The following KAZN variants were observed in gnomAD, a reference collection of about 807,000 sequenced individuals.
KAZN encodes the protein kazrin.
Under a neutral mutation model 87.4 loss-of-function variants are expected in KAZN, and 40 were observed. The observed-to-expected ratio is 0.46, with a 90% CI of 0.36 to 0.60. The LOEUF is 0.60. KAZN is among the 20% of genes least tolerant of loss of function. The pLI, the probability that KAZN is intolerant of heterozygous loss-of-function variation, is 0.00. For synonymous variants in KAZN, 466 were observed against 458.3 expected (o/e 1.02, Z -0.22); for missense variants, 898 against 1,073.9 (o/e 0.84, Z 2.29).
At chr1:13,896,476 G>C (rs1639049638) in intron 1 of KAZN, among the ~76,000 whole-genome samples, 1 of 152,040 alleles carries the variant, frequency 6.6e-6, no homozygotes, top group African/African-American at 2.4e-5. Flanking sequence ...TTTTTTTGTA[G>C]AGATGAAGTC....
intron 1 of KAZN, among the ~76,000 whole-genome samples, chr1:14,089,388 A>T (rs1324253301): frequency 6.6e-6 from 1 of 151,840 alleles, no homozygotes; most frequent in East Asian, 1.9e-4. Context: ...CTTCTTGTGG[A>T]TTAATTCAGT....
intron 2 of KAZN, among the ~76,000 whole-genome samples, chr1:14,377,390 C>T (rs548752656): frequency 5.9e-5 from 9 of 152,252 alleles, no homozygotes; most frequent in Admixed American, 2.0e-4. Flanking sequence ...ATTATGAGAG[C>T]GATTGGTCTC....
At chr1:14,581,641 A>G (rs924739251) in intron 2 of KAZN, among the ~76,000 whole-genome samples, 10 of 152,182 alleles carry the variant, frequency 6.6e-5, no homozygotes, top group Non-Finnish European at 1.3e-4. Flanking sequence ...ACAGTCCCCA[A>G]GGGGACCTGA....
At chr1:14,395,065 G>C (rs545335409) in intron 2 of KAZN, among the ~76,000 whole-genome samples, 1 of 152,228 alleles carries the variant, frequency 6.6e-6, no homozygotes, top group East Asian at 1.9e-4. Flanking sequence ...GGCCCTACTG[G>C]GGCTGAAGGA....
At chr1:14,129,558 C>G (rs1313348048) in intron 1 of KAZN, among the ~76,000 whole-genome samples, 1 of 152,222 alleles carries the variant, frequency 6.6e-6, no homozygotes, top group Non-Finnish European at 1.5e-5. Flanking sequence ...GGCTGCCCAT[C>G]TGTGGGGCTG....
intron 2 of KAZN, among the ~76,000 whole-genome samples, chr1:14,438,439 G>A (rs538443007): frequency 4.9e-4 from 74 of 152,340 alleles, no homozygotes; most frequent in African/African-American, 1.7e-3. Flanking sequence ...AAGGGGACAG[G>A]GAACGGGGCC....
chr1:14,059,007 G>A (rs78121555), intron 1 of KAZN, among the ~76,000 whole-genome samples: 8,086 of 152,296 alleles, frequency 0.053, 585 homozygotes, highest in African/African-American at 0.16. Flanking sequence ...GCTTTGTGAT[G>A]AAGGAAGGAC....
intron 1 of KAZN, among the ~76,000 whole-genome samples, chr1:14,631,773 C>T (rs978334960): frequency 2.6e-5 from 4 of 152,350 alleles, no homozygotes; most frequent in Non-Finnish European, 5.9e-5. Flanking sequence ...GTAGCTGCTC[C>T]CCTCGTGTTG....
At chr1:14,998,430 C>T (rs1199260739) in intron 2 of KAZN, among the ~76,000 whole-genome samples, 1 of 152,150 alleles carries the variant, frequency 6.6e-6, no homozygotes, top group Non-Finnish European at 1.5e-5. Context: ...GGGGTTAGAC[C>T]TTGAGGGTTC....
At chr1:14,100,438 A>G (rs1644224550) in intron 1 of KAZN, among the ~76,000 whole-genome samples, 1 of 152,194 alleles carries the variant, frequency 6.6e-6, no homozygotes, top group Non-Finnish European at 1.5e-5. Flanking sequence ...TTACAGCAAA[A>G]GGATCCGAAG....
chr1:14,297,623 C>T (rs1654227184), intron 2 of KAZN, among the ~76,000 whole-genome samples: 1 of 152,060 alleles, frequency 6.6e-6, no homozygotes, highest in Non-Finnish European at 1.5e-5. Flanking sequence ...GCACTGTTCT[C>T]TCCACCATCC....
rs576680275 is a variant in KAZN, at chr1:14,528,472, A to G, written c.250-70511A>G. Among the ~76,000 whole-genome samples, 28 of 151,838 alleles carry G rather than the reference A, an allele frequency of 1.8e-4. No individual in the cohort carries two copies. In the South Asian group the frequency reaches 5.6e-3, roughly 30 times the overall value. On this transcript the variant is annotated intron_variant, in intron 2 of 16. Coordinates refer to the KAZN transcript ENST00000636203. ...AACACTCCTCCTACCTATCCACGTG[A>G]TGACCTTTCATATTTTTAAAGACAG...
At chr1:14,325,492 C>A (rs1656346016) in intron 2 of KAZN, among the ~76,000 whole-genome samples, 1 of 151,960 alleles carries the variant, frequency 6.6e-6, no homozygotes, top group Non-Finnish European at 1.5e-5. Context: ...CTATAAGACA[C>A]CATAAAGCAT....
intron 2 of KAZN, among the ~76,000 whole-genome samples, chr1:14,552,603 C>T (rs903822734): frequency 2.0e-5 from 3 of 152,192 alleles, no homozygotes; most frequent in Admixed American, 6.5e-5. Context: ...GGGTTCTCTC[C>T]TCCCATCACA....
chr1:14,806,584 A>G (rs1174574330), intron 1 of KAZN, among the ~76,000 whole-genome samples: 1 of 152,106 alleles, frequency 6.6e-6, no homozygotes, highest in East Asian at 1.9e-4. Flanking sequence ...CATTTTCTTC[A>G]TGTTGTCTGC....
At chr1:14,192,090 G>A (rs1172384471) in intron 2 of KAZN, among the ~76,000 whole-genome samples, 1 of 152,146 alleles carries the variant, frequency 6.6e-6, no homozygotes, top group Non-Finnish European at 1.5e-5. Flanking sequence ...TGGAATGTGT[G>A]TGGCCTGAGC....
At chr1:14,253,802 G>C (rs1408306261) in intron 2 of KAZN, among the ~76,000 whole-genome samples, 1 of 152,000 alleles carries the variant, frequency 6.6e-6, no homozygotes, top group African/African-American at 2.4e-5. Context: ...CCTTATCAGG[G>C]TGCTTTCTTT....
At chr1:14,772,221 G>A (rs1645039384) in intron 1 of KAZN, among the ~76,000 whole-genome samples, 1 of 152,066 alleles carries the variant, frequency 6.6e-6, no homozygotes, top group South Asian at 2.1e-4. Context: ...GGTGGCTCAC[G>A]CCTGTAATCC....
chr1:13,912,306 C>T (rs1639683058), intron 1 of KAZN, among the ~76,000 whole-genome samples: 1 of 152,326 alleles, frequency 6.6e-6, no homozygotes, highest in Admixed American at 6.5e-5. Flanking sequence ...ACTGAAACTG[C>T]TTTATCTGGC....
Sources: allele counts gnomAD v4.1 joint callset (sites outside exome capture counted in the v4.1 genomes callset), GRCh38; gene constraint gnomAD v4.1.1; transcripts MANE v1.5; gene names NCBI Gene and HGNC (gene_info 2026-07-23, HGNC 2026-07-21).